Variants in MROH2A observed in about 807,000 individuals in gnomAD.
MROH2A encodes the protein maestro heat-like repeat-containing protein family member 2A.
Under a neutral mutation model 200.4 loss-of-function variants are expected in MROH2A, and 174 were observed. The observed-to-expected ratio is 0.87, with a 90% CI of 0.77 to 0.98. The LOEUF is 0.98. MROH2A is among the 50% of genes least tolerant of loss of function. MROH2A has a pLI of 0.00. For missense variants in MROH2A, 2,045 were observed against 2,139.6 expected (o/e 0.96, Z 0.87); for synonymous variants, 829 against 840.4 (o/e 0.99, Z 0.23).
chr2:233,829,915 G>A, intron 38 of MROH2A, 140 bp downstream of exon 38: 1 of 788,270 alleles, frequency 1.3e-6, no homozygotes, highest in Non-Finnish European at 1.7e-6. Flanking sequence ...AGAGGCCACA[G>A]CCTGCTCCCT....
In MROH2A at chr2:233,787,426, C is replaced by CATATGTATAT. The variant is rs1207122299; in HGVS notation, c.277-2070_277-2069insTATGTATATA. 3.8e-4 allele frequency among the ~76,000 whole-genome samples: 49 copies of CATATGTATAT among 129,044 alleles called. 2 individuals carry two copies. Among genetic ancestry groups the CATATGTATAT allele is most frequent in the Admixed American group, 2.8e-3 (31 of 11,214 alleles). 84.7% of individuals were successfully genotyped at this position (129,044 alleles called of 152,430 possible). ...TGTATAACACACACACACACACACA[C>CATATGTATAT]ACACATATGTATATACATATACATA... is the stretch of plus-strand genomic sequence containing the variant. On this transcript the variant is annotated intron_variant, in intron 3 of 41. Transcript: ENST00000389758.
rs1320576736 is a variant in MROH2A, at chr2:233,832,607, T to C, written c.4866T>C (p.His1622=). The change falls in exon 41 of 42, where the codon CAT becomes CAC. Residue 1622 remains histidine, a synonymous_variant. Coordinates refer to ENST00000389758, the MANE Select transcript of MROH2A (RefSeq NM_001394639.1). ...TTATTATGAAGCAGATGTCTACACA[T>C]TATCTGAAAAAGCTGGACTTCCCAG... ...AGIIMKQMST[H]YLKKLDFPAL... is the part of the protein sequence containing the mutation. 1 of 1,549,970 alleles carries C rather than the reference T, an allele frequency of 6.5e-7. No homozygotes were observed. The highest frequency in any genetic ancestry group is 2.0e-5 in the Admixed American group (1 of 51,002).
chr2:233,832,417 T>C lies in MROH2A; in HGVS notation c.4837+138T>C, dbSNP rs1704827165. On this transcript the variant is annotated intron_variant, in intron 40 of 41. Transcript: ENST00000389758. Reference sequence around the variant, plus strand: ...CAGAGCTCAGGTCTAAGCCCTGCACTGTGCTTTCTATCCCGTTTTGATTTT... The same window carrying C: ...CAGAGCTCAGGTCTAAGCCCTGCACCGTGCTTTCTATCCCGTTTTGATTTT... 10 of 952,580 alleles carry C rather than the reference T, an allele frequency of 1.0e-5. No individual in the cohort carries two copies. The East Asian group carries it at 1.8e-4, about 17-fold the overall frequency. 59.0% of individuals were successfully genotyped at this position (952,580 alleles called of 1,614,324 possible).
chr2:233,821,611 T>C (rs1703941416), intron 31 of MROH2A, among the ~76,000 whole-genome samples: 1 of 152,372 alleles, frequency 6.6e-6, no homozygotes, highest in East Asian at 1.9e-4. Flanking sequence ...AGCAGGGCCA[T>C]GGGCTTGGAC....
chr2:233,813,038 G>A (rs1000614714), intron 24 of MROH2A, among the ~76,000 whole-genome samples: 5 of 152,210 alleles, frequency 3.3e-5, no homozygotes, highest in East Asian at 3.8e-4. Context: ...GGGCTTGGAC[G>A]TGGTCCCTGG....
intron 3 of MROH2A, among the ~76,000 whole-genome samples, chr2:233,784,132 G>T (rs1701079443): frequency 1.3e-5 from 2 of 151,774 alleles, no homozygotes; most frequent in South Asian, 4.2e-4. Flanking sequence ...GTATCATTAG[G>T]TTGCTTATTT....
In MROH2A at chr2:233,820,797, T is replaced by C. The variant is rs1444044604; in HGVS notation, c.3512+741T>C. On this transcript the variant is annotated intron_variant, in intron 31 of 41. Coordinates refer to ENST00000389758, the MANE Select transcript of MROH2A (RefSeq NM_001394639.1). The surrounding 1 kb of genome is among the most constrained non-coding windows in gnomAD (Gnocchi z 4.1). Reference sequence around the variant, plus strand: ...GGAACAGAGAAAAGAGTTTTAAAAATAGGCCCCGGCTCCAGAGCCACAAGG... The same window carrying C: ...GGAACAGAGAAAAGAGTTTTAAAAACAGGCCCCGGCTCCAGAGCCACAAGG... Among the ~76,000 whole-genome samples, 2 of 152,148 alleles carry C rather than the reference T, an allele frequency of 1.3e-5. No homozygotes were observed. The highest frequency in any genetic ancestry group is 2.4e-5 in the African/African-American group (1 of 41,442).
intron 38 of MROH2A, 121 bp downstream of exon 38, chr2:233,829,896 T>G: frequency 2.0e-6 from 2 of 978,776 alleles, no homozygotes; most frequent in Non-Finnish European, 2.7e-6. Flanking sequence ...TGGTTTTCTC[T>G]GAGATCCCAG....
rs578029645 is a variant in MROH2A at position 233,813,374 on chromosome 2, G to T, written c.2652-296G>T. On this transcript the variant is annotated intron_variant, in intron 24 of 41. Transcript: ENST00000389758. Reference sequence around the variant, plus strand: ...AGGGCAGATTCCATAGTTGCAGTCGGCAAGGAGCAATGGAATGTTTCTGAG... The same window carrying T: ...AGGGCAGATTCCATAGTTGCAGTCGTCAAGGAGCAATGGAATGTTTCTGAG... 8.5e-5 allele frequency among the ~76,000 whole-genome samples: 13 copies of T among 152,330 alleles called. No homozygotes were observed. In the East Asian group the frequency reaches 2.3e-3, roughly 27 times the overall value.
chr2:233,810,547 T>C (rs1157132561), intron 22 of MROH2A, among the ~76,000 whole-genome samples: 1 of 152,158 alleles, frequency 6.6e-6, no homozygotes, highest in Non-Finnish European at 1.5e-5. Flanking sequence ...ACAGCCAAAC[T>C]ATATCACGTG....
chr2:233,819,927 TGGTGCACCTGCCGGTGGTGG>T lies in MROH2A; in HGVS notation c.3384_3403del (p.Val1129ProfsTer10). On this transcript the variant is annotated frameshift_variant, in exon 31 of 42. Coordinates refer to ENST00000389758, the MANE Select transcript of MROH2A (RefSeq NM_001394639.1). LOFTEE classifies it high-confidence loss of function. The stretch of plus-strand genomic sequence containing the variant: ...GTGGCCGAGATCCTGAGTGCCATCC[TGGTGCACCTGCCGGTGGTGG>T]ACCACCCAGAGGTGCGGCGCCTTCT... 7.2e-6 allele frequency: 11 copies of T among 1,528,750 alleles called. No homozygotes were observed. Among genetic ancestry groups the T allele is most frequent in the Non-Finnish European group, 9.7e-6 (11 of 1,132,252 alleles). 94.7% of individuals were successfully genotyped at this position (1,528,750 alleles called of 1,614,324 possible).
Position 233,820,082 on chromosome 2 carries a change from C to T in MROH2A, c.3512+26C>T, listed in dbSNP as rs749761485. 437 of 1,487,112 alleles carry T rather than the reference C, an allele frequency of 2.9e-4. No homozygotes were observed. Among genetic ancestry groups the T allele is most frequent in the Non-Finnish European group, 3.3e-4 (368 of 1,110,096 alleles). 92.1% of individuals were successfully genotyped at this position (1,487,112 alleles called of 1,614,324 possible). On this transcript the variant is annotated intron_variant, in intron 31 of 41. Transcript: ENST00000389758. The surrounding 1 kb of genome is among the most constrained non-coding windows in gnomAD (Gnocchi z 4.1). ...GTGGGTGCCCTGGAGGAGGTGGCCC[C>T]GGCCTCCTGTGCCATTTGACCATGC... is the stretch of plus-strand genomic sequence containing the variant.
chr2:233,780,296 C>G (rs1700890034), intron 3 of MROH2A, among the ~76,000 whole-genome samples: 2 of 152,170 alleles, frequency 1.3e-5, no homozygotes, highest in East Asian at 3.9e-4. Flanking sequence ...TGGTACCAGA[C>G]AAGGTTTTGG....
intron 5 of MROH2A, among the ~76,000 whole-genome samples, chr2:233,791,646 G>A (rs563967382): frequency 3.0e-4 from 46 of 152,248 alleles, no homozygotes; most frequent in Admixed American, 8.5e-4. Flanking sequence ...GACCCAGCCC[G>A]GAGGGGTCCT....
At chr2:233,783,627 C>A (rs1701055355) in intron 3 of MROH2A, among the ~76,000 whole-genome samples, 1 of 152,082 alleles carries the variant, frequency 6.6e-6, no homozygotes, top group African/African-American at 2.4e-5. Context: ...CTCACTGCAA[C>A]CTCTGCCTCC....
In MROH2A at chr2:233,813,798, C is replaced by A; in HGVS notation, c.2760+20C>A. On this transcript the variant is annotated intron_variant, in intron 25 of 41. Transcript: ENST00000389758. Reference sequence around the variant, plus strand: ...ATTAAGGTAGGTCCCTCTGGGATGCCTCATTTGCTGGGTCAGGACCTGGGA... The same window carrying A: ...ATTAAGGTAGGTCCCTCTGGGATGCATCATTTGCTGGGTCAGGACCTGGGA... 1 of 1,407,588 alleles carries A rather than the reference C, an allele frequency of 7.1e-7. No homozygotes were observed. Among genetic ancestry groups the A allele is most frequent in the Non-Finnish European group, 9.8e-7 (1 of 1,018,600 alleles). 87.2% of individuals were successfully genotyped at this position (1,407,588 alleles called of 1,614,324 possible).
chr2:233,780,655 A>G (rs1268384773), intron 3 of MROH2A, among the ~76,000 whole-genome samples: 2 of 152,268 alleles, frequency 1.3e-5, no homozygotes, highest in South Asian at 2.1e-4. Flanking sequence ...ATTTCAAAAC[A>G]TATATACAAT....
intron 31 of MROH2A, among the ~76,000 whole-genome samples, chr2:233,821,111 A>G (rs28900973): frequency 6.6e-6 from 1 of 152,330 alleles, no homozygotes; most frequent in African/African-American, 2.4e-5. Flanking sequence ...GCTTCTAACA[A>G]CATCCATGGA....
intron 21 of MROH2A, among the ~76,000 whole-genome samples, chr2:233,808,781 G>C (rs533442796): frequency 6.6e-6 from 1 of 152,168 alleles, no homozygotes; most frequent in Non-Finnish European, 1.5e-5. Flanking sequence ...GCCGGTGCCT[G>C]GTAGGTGAAG....
Sources: allele counts gnomAD v4.1 joint callset (sites outside exome capture counted in the v4.1 genomes callset), GRCh38; gene constraint gnomAD v4.1.1; non-coding constraint Gnocchi (gnomAD v3.1); transcripts MANE v1.5; gene names NCBI Gene and HGNC (gene_info 2026-07-23, HGNC 2026-07-21).